Variants in TBC1D2B observed in about 807,000 individuals in gnomAD.
The protein encoded by TBC1D2B is TBC1 domain family, member 2B.
In TBC1D2B, 64 loss-of-function variants were observed where a neutral mutation model predicts 100.8. The ratio of observed to expected loss-of-function variants is 0.64; its 90% CI spans 0.52 to 0.78. The LOEUF (loss-of-function observed/expected upper bound fraction) is 0.78, where lower values mean the gene tolerates loss of function less well. TBC1D2B is among the 30% of genes least tolerant of loss of function. The pLI is 0.00. For missense variants in TBC1D2B, 1,052 were observed against 1,218.4 expected (o/e 0.86, Z 2.03); for synonymous variants, 480 against 479.7 (o/e 1.00, Z -0.01).
At chr15:78,056,734 A>G (rs1326442211) in intron 1 of TBC1D2B, among the ~76,000 whole-genome samples, 1 of 128,156 alleles carries the variant, frequency 7.8e-6, no homozygotes, top group East Asian at 2.4e-4. Flanking sequence ...GAGGGGACAG[A>G]GGCCCAGAAA....
chr15:78,067,327 A>C (rs1024571359), intron 1 of TBC1D2B, among the ~76,000 whole-genome samples: 1 of 152,156 alleles, frequency 6.6e-6, no homozygotes, highest in African/African-American at 2.4e-5. Context: ...ACAATGCCCT[A>C]ATCACACCCA....
At chr15:78,000,469 T>C (rs917889331) in intron 12 of TBC1D2B, among the ~76,000 whole-genome samples, 2 of 152,148 alleles carry the variant, frequency 1.3e-5, no homozygotes, top group African/African-American at 2.4e-5. Flanking sequence ...ACAGAAACCC[T>C]CCAGGCTCAC....
At position 78,025,248 on chromosome 15, in the gene TBC1D2B, G is replaced by A; in HGVS notation, c.1086+11C>T. ...AGGTGGGGTAAGACAGAAGCCAGAA[G>A]AAGAAGTTACCTTCTGACTGGACAG... On this transcript the variant is annotated intron_variant, in intron 5 of 12. Coordinates refer to ENST00000300584, the MANE Select transcript of TBC1D2B (RefSeq NM_144572.2). 6.2e-7 allele frequency: 1 copy of A among 1,609,646 alleles called. No individual in the cohort carries two copies. Among genetic ancestry groups the A allele is most frequent in the Non-Finnish European group, 8.5e-7 (1 of 1,176,726 alleles).
chr15:78,016,803 C>T (rs751145618), intron 7 of TBC1D2B, 64 bp from the exon 8 acceptor site: 173 of 1,340,598 alleles, frequency 1.3e-4, no homozygotes, highest in East Asian at 4.5e-4. Flanking sequence ...TCTTTAGGTA[C>T]GCAAATGACC....
intron 1 of TBC1D2B, among the ~76,000 whole-genome samples, chr15:78,076,702 G>A (rs1213432261): frequency 6.6e-6 from 1 of 152,112 alleles, no homozygotes; most frequent in African/African-American, 2.4e-5. Context: ...AGTGAGCCGA[G>A]ATCGCACCCC....
chr15:78,013,810 TAC>T (rs1235396920), intron 8 of TBC1D2B, among the ~76,000 whole-genome samples: 1 of 152,252 alleles, frequency 6.6e-6, no homozygotes, highest in Non-Finnish European at 1.5e-5. Context: ...GTGGCTGTTT[TAC>T]ATTACATGGC....
intron 2 of TBC1D2B, among the ~76,000 whole-genome samples, chr15:78,049,527 TTGGGGTGGGGGTTTCCC>T (rs1395374112): frequency 7.9e-5 from 12 of 152,106 alleles, no homozygotes; most frequent in Admixed American, 2.0e-4. Flanking sequence ...ATGCCCTGAA[TTGGGGTGGGGGTTTCCC>T]TGGGGTGGGG....
At chr15:78,035,977 T>C (rs1596319314) in intron 3 of TBC1D2B, among the ~76,000 whole-genome samples, 2 of 152,204 alleles carry the variant, frequency 1.3e-5, no homozygotes, top group African/African-American at 4.8e-5. Flanking sequence ...CATCTGCTGG[T>C]GAGAGCACAG....
chr15:78,012,608 C>A (rs2072259031), intron 9 of TBC1D2B, among the ~76,000 whole-genome samples: 1 of 152,214 alleles, frequency 6.6e-6, no homozygotes, highest in Non-Finnish European at 1.5e-5. Context: ...GAATTTAACT[C>A]TTGTGTTCTT....
At position 78,029,992 on chromosome 15, in the gene TBC1D2B, G is replaced by T. The variant is rs1031271402; in HGVS notation, c.847+15C>A. ...CAGTACAGAGAATGACAGACAACAG[G>T]AAGTACATTGATACCTTTGTTTCCT... On this transcript the variant is annotated intron_variant, in intron 4 of 12. Coordinates refer to ENST00000300584, the MANE Select transcript of TBC1D2B (RefSeq NM_144572.2). The T allele has an allele frequency of 1.9e-6, 3 of 1,598,108 alleles. No homozygotes were observed. The highest frequency in any genetic ancestry group is 2.6e-6 in the Non-Finnish European group (3 of 1,172,978).
intron 2 of TBC1D2B, among the ~76,000 whole-genome samples, chr15:78,052,897 A>G (rs1460637410): frequency 6.6e-6 from 1 of 152,242 alleles, no homozygotes; most frequent in Admixed American, 6.5e-5. Flanking sequence ...AGGGCGCATA[A>G]AGTTGAAAAT....
chr15:78,071,134 T>G (rs1190729006), intron 1 of TBC1D2B, among the ~76,000 whole-genome samples: 1 of 150,882 alleles, frequency 6.6e-6, no homozygotes, highest in East Asian at 1.9e-4. Context: ...ACCTGGCTAG[T>G]TTTTTTTAAT....
chr15:78,024,541 T>C lies in TBC1D2B; in HGVS notation c.1087-2A>G, dbSNP rs754279097. 1 of 1,605,196 alleles carries C rather than the reference T, an allele frequency of 6.2e-7. No homozygotes were observed. The highest frequency in any genetic ancestry group is 8.5e-7 in the Non-Finnish European group (1 of 1,174,550). ...CTGCTGGAGCAGTCGAACAAGCTCC[T>C]GGGAGCCAAAAGGAGAATGGAGTGA... On this transcript the variant is annotated splice_acceptor_variant, in intron 5 of 12. Transcript: ENST00000300584. LOFTEE classifies it high-confidence loss of function.
chr15:78,061,024 T>C lies in TBC1D2B; in HGVS notation c.361-6837A>G, dbSNP rs988984076. Among the ~76,000 whole-genome samples, 5 of 150,228 alleles carry C rather than the reference T, an allele frequency of 3.3e-5. No homozygotes were observed. In the East Asian group the frequency reaches 5.9e-4, roughly 18 times the overall value. On this transcript the variant is annotated intron_variant, in intron 1 of 12. Transcript: ENST00000300584. The stretch of plus-strand genomic sequence containing the variant: ...ACTACGGGAGACAGAGGCAGGCAGA[T>C]TGCTTGAGCCCCGGAGTTCAAGATC...
Position 78,030,002 on chromosome 15 carries a change from G to T in TBC1D2B, c.847+5C>A. 1 of 1,604,132 alleles carries T rather than the reference G, an allele frequency of 6.2e-7. No individual in the cohort carries two copies. The highest frequency in any genetic ancestry group is 1.1e-5 in the South Asian group (1 of 88,996). ...AATGACAGACAACAGGAAGTACATT[G>T]ATACCTTTGTTTCCTTCAGGGGTCA... On this transcript the variant is annotated splice_donor_5th_base_variant and intron_variant, in intron 4 of 12. Coordinates refer to ENST00000300584, the MANE Select transcript of TBC1D2B (RefSeq NM_144572.2).
intron 1 of TBC1D2B, among the ~76,000 whole-genome samples, chr15:78,059,467 C>T (rs1229683168): frequency 6.6e-6 from 1 of 152,182 alleles, no homozygotes; most frequent in Non-Finnish European, 1.5e-5. Context: ...GCATGAACGT[C>T]CTGGGTGAGG....
At chr15:78,071,101 C>A (rs367708023) in intron 1 of TBC1D2B, among the ~76,000 whole-genome samples, 1 of 151,888 alleles carries the variant, frequency 6.6e-6, no homozygotes. Context: ...GGATTACAGG[C>A]GTGAGCCACC....
chr15:78,039,588 C>T lies in TBC1D2B; in HGVS notation c.683+5312G>A, dbSNP rs118125722. Among the ~76,000 whole-genome samples the T allele has an allele frequency of 3.8e-3, 576 of 152,276 alleles. 16 individuals carry two copies. The highest frequency in any genetic ancestry group is 0.031 in the Admixed American group (472 of 15,292). On this transcript the variant is annotated intron_variant, in intron 3 of 12. Coordinates refer to ENST00000300584, the MANE Select transcript of TBC1D2B (RefSeq NM_144572.2). Reference sequence around the variant, plus strand: ...GACTCAAGGAAGTGGAGACTCACTTCACCTACTGGCTCAAAAGAGACAGGG... The same window carrying T: ...GACTCAAGGAAGTGGAGACTCACTTTACCTACTGGCTCAAAAGAGACAGGG...
At chr15:78,020,300 G>A (rs927550809) in intron 6 of TBC1D2B, among the ~76,000 whole-genome samples, 7 of 152,218 alleles carry the variant, frequency 4.6e-5, no homozygotes, top group Admixed American at 6.5e-5. Context: ...TAGAGACTGA[G>A]TGATACAAGG....
Sources: allele counts gnomAD v4.1 joint callset (sites outside exome capture counted in the v4.1 genomes callset), GRCh38; gene constraint gnomAD v4.1.1; transcripts MANE v1.5; gene names NCBI Gene and HGNC (gene_info 2026-07-23, HGNC 2026-07-21).